The following FUT8 variants were observed in gnomAD, a reference collection of about 807,000 sequenced individuals.
The protein encoded by FUT8 is alpha-(1,6)-fucosyltransferase.
A neutral mutation model predicts 71.3 loss-of-function variants in FUT8; 29 were observed. The ratio of observed to expected loss-of-function variants is 0.41; its 90% CI spans 0.30 to 0.55. FUT8 has a LOEUF of 0.55. FUT8 is among the 20% of genes least tolerant of loss of function. FUT8 has a pLI of 0.34. For synonymous variants in FUT8, 254 were observed against 239.3 expected (o/e 1.06, Z -0.57); for missense variants, 544 against 702.1 (o/e 0.77, Z 2.55).
Position 65,742,160 on chromosome 14 carries a change from T to TA in FUT8, c.1479dup (p.Asp494ArgfsTer2), listed in dbSNP as rs1896535084. On this transcript the variant is annotated frameshift_variant, in exon 11 of 11. Coordinates refer to ENST00000673929, the MANE Select transcript of FUT8 (RefSeq NM_001371533.1). LOFTEE classifies it high-confidence loss of function. The stretch of plus-strand genomic sequence containing the variant: ...GATGCCTCTGCAAACTTCCATTCTT[T>TA]AGATGACATCTACTATTTTGGGGGC... The TA allele has an allele frequency of 6.2e-7, 1 of 1,613,018 alleles. No homozygotes were observed. Among genetic ancestry groups the TA allele is most frequent in the African/African-American group, 1.3e-5 (1 of 74,828 alleles).
At chr14:65,564,708 TAACTG>T (rs1256265706) in intron 3 of FUT8, among the ~76,000 whole-genome samples, 4 of 152,034 alleles carry the variant, frequency 2.6e-5, no homozygotes, top group Non-Finnish European at 5.9e-5. Context: ...CCCTGGCACT[TAACTG>T]ATCTGATTTC....
intron 6 of FUT8, among the ~76,000 whole-genome samples, chr14:65,658,197 A>C (rs1411007791): frequency 6.6e-6 from 1 of 152,190 alleles, no homozygotes; most frequent in Non-Finnish European, 1.5e-5. Flanking sequence ...ATGACAAATA[A>C]GCACATGAAA....
At chr14:65,604,096 A>C (rs1888446545) in intron 3 of FUT8, among the ~76,000 whole-genome samples, 1 of 151,770 alleles carries the variant, frequency 6.6e-6, no homozygotes, top group African/African-American at 2.4e-5. Context: ...TAGCGCTCCC[A>C]AATTTATAAA....
intron 8 of FUT8, 52 bp from the exon 9 acceptor site, chr14:65,724,095 C>G: frequency 7.3e-7 from 1 of 1,372,262 alleles, no homozygotes; most frequent in Non-Finnish European, 9.6e-7. Flanking sequence ...TGAGTACCCT[C>G]AAAGCACCCA....
chr14:65,619,216 A>G (rs1889472127), intron 5 of FUT8, among the ~76,000 whole-genome samples: 1 of 152,208 alleles, frequency 6.6e-6, no homozygotes. Flanking sequence ...CTGGTTTTTG[A>G]GAACTACAAC....
intron 2 of FUT8, among the ~76,000 whole-genome samples, chr14:65,463,636 G>T (rs2065999486): frequency 6.6e-6 from 1 of 152,162 alleles, no homozygotes; most frequent in Non-Finnish European, 1.5e-5. Context: ...AACTTTTGGT[G>T]TGGGCTGTTT....
At chr14:65,597,488 T>G (rs1231454954) in intron 3 of FUT8, among the ~76,000 whole-genome samples, 2 of 152,144 alleles carry the variant, frequency 1.3e-5, no homozygotes, top group Middle Eastern at 3.4e-3. Context: ...CCGGGCATGG[T>G]GGTGGGCACC....
intron 5 of FUT8, among the ~76,000 whole-genome samples, chr14:65,622,916 T>TTTTG (rs1555376669): frequency 4.7e-5 from 7 of 150,178 alleles, no homozygotes; most frequent in African/African-American, 1.7e-4. Flanking sequence ...CTCTGTTTTT[T>TTTTG]TTTTTTTTTT....
chr14:65,380,633 C>T, the FUT8 span, among the ~76,000 whole-genome samples: 2,326 of 152,264 alleles, frequency 0.015, 57 homozygotes, highest in East Asian at 0.097. Context: ...TCATCCCCAA[C>T]TTTACTCCCA....
rs1888427607 is a variant in FUT8 at position 65,603,711 on chromosome 14, C to T, written c.204-12267C>T. Reference sequence around the variant, plus strand: ...GAACAAAAATACACTAAAAAAAAATCCAAGGTATACAGGCAACAGATAGGA... The same window carrying T: ...GAACAAAAATACACTAAAAAAAAATTCAAGGTATACAGGCAACAGATAGGA... On this transcript the variant is annotated intron_variant, in intron 3 of 10. Transcript: ENST00000673929. This position sits in a 1 kb window ranked among gnomAD's most constrained non-coding sequence, Gnocchi z 4.5. Among the ~76,000 whole-genome samples the T allele has an allele frequency of 6.6e-6, 1 of 151,514 alleles. No individual in the cohort carries two copies. The highest frequency in any genetic ancestry group is 2.4e-5 in the African/African-American group (1 of 41,300).
intron 7 of FUT8, among the ~76,000 whole-genome samples, chr14:65,682,506 G>GA (rs796847736): frequency 4.6e-4 from 65 of 140,412 alleles, no homozygotes; most frequent in South Asian, 2.9e-3. Context: ...CCATGTCTCA[G>GA]AAAAAAAAAA....
intron 3 of FUT8, among the ~76,000 whole-genome samples, chr14:65,595,899 A>T (rs1318809486): frequency 6.6e-6 from 1 of 152,006 alleles, no homozygotes; most frequent in Non-Finnish European, 1.5e-5. Context: ...GTGAGCCACC[A>T]CGCGCGGCCC....
intron 9 of FUT8, among the ~76,000 whole-genome samples, chr14:65,732,592 A>C (rs1027616742): frequency 6.6e-6 from 1 of 152,220 alleles, no homozygotes; most frequent in Non-Finnish European, 1.5e-5. Flanking sequence ...AAGACTACCA[A>C]AATATTACTT....
At chr14:65,633,931 G>C (rs547797229) in intron 6 of FUT8, among the ~76,000 whole-genome samples, 173 of 151,406 alleles carry the variant, frequency 1.1e-3, no homozygotes, top group African/African-American at 3.9e-3. Context: ...TGCCCCGTCC[G>C]GGAGGGAGGT....
intron 10 of FUT8, among the ~76,000 whole-genome samples, chr14:65,738,471 G>A (rs944653954): frequency 2.0e-5 from 3 of 151,800 alleles, no homozygotes; most frequent in Admixed American, 1.3e-4. Flanking sequence ...CAGGATTTTT[G>A]CTGTTACCCA....
chr14:65,711,385 A>G (rs180714868), intron 7 of FUT8, among the ~76,000 whole-genome samples: 180 of 152,318 alleles, frequency 1.2e-3, no homozygotes, highest in African/African-American at 3.9e-3. Context: ...TAACCTTGCT[A>G]GGAAGAAGTT....
intron 3 of FUT8, among the ~76,000 whole-genome samples, chr14:65,569,311 T>G (rs1886357927): frequency 6.6e-6 from 1 of 151,838 alleles, no homozygotes; most frequent in Admixed American, 6.6e-5. Context: ...GAAGCCATTA[T>G]TTTTTATTTT....
chr14:65,382,217 C>A, the FUT8 span, among the ~76,000 whole-genome samples: 2 of 152,206 alleles, frequency 1.3e-5, no homozygotes, highest in Admixed American at 6.5e-5. Context: ...AAATGTCCAC[C>A]CTTAGCTGCT....
At chr14:65,684,252 A>G (rs1893171318) in intron 7 of FUT8, among the ~76,000 whole-genome samples, 1 of 152,150 alleles carries the variant, frequency 6.6e-6, no homozygotes. Flanking sequence ...TTGAGTGAAA[A>G]CAGGAGTAAC....
Sources: gnomAD v4.1 joint callset for allele counts (sites outside exome capture counted in the v4.1 genomes callset) on GRCh38, gnomAD v4.1.1 for gene constraint, Gnocchi (gnomAD v3.1) non-coding constraint, MANE v1.5 for transcripts, NCBI Gene and HGNC (gene_info 2026-07-23, HGNC 2026-07-21) for gene names.